Variants in CDK9 observed in about 807,000 individuals in gnomAD.
CDK9 encodes cyclin dependent kinase 9.
CDK9 carries 34 observed loss-of-function variants against 39.0 expected under a neutral mutation model. The observed-to-expected ratio is 0.87, with a 90% CI of 0.66 to 1.16. The LOEUF (loss-of-function observed/expected upper bound fraction) is 1.16, where lower values mean the gene tolerates loss of function less well. Among genes scored for constraint, CDK9 ranks in the 50% most tolerant of loss-of-function variants. The probability of loss-of-function intolerance (pLI) is 0.00; values close to 1 mark genes in which losing one functional copy is unlikely to be tolerated. For missense variants in CDK9, 369 were observed against 503.2 expected, an observed-to-expected ratio of 0.73 and a Z score of 2.55; for synonymous variants, 233 against 196.2, an observed-to-expected ratio of 1.19 and a Z score of -1.57.
At position 127,789,747 on chromosome 9, in the gene CDK9, C is replaced by A; in HGVS notation, c.*204C>A. 1.5e-6 allele frequency: 1 copy of A among 672,486 alleles called. No homozygotes were observed. The allele number at this position is 672,486 out of a possible 1,614,324, so 41.7% of individuals were successfully genotyped here. ...GGGCACTGGAGCTGTCTTGTCCTTG[C>A]TGGTTTTCTGGATGGTTCCCAGAGG... On this transcript the variant is annotated 3_prime_UTR_variant, in exon 7 of 7. Coordinates refer to ENST00000373264, the MANE Select transcript of CDK9 (RefSeq NM_001261.4). This position sits in a 1 kb window ranked among gnomAD's most constrained non-coding sequence, Gnocchi z 5.2.
intron 2 of CDK9, 32 bp downstream of exon 2, chr9:127,786,814 G>A: frequency 1.9e-6 from 3 of 1,593,996 alleles, no homozygotes; most frequent in Admixed American, 1.7e-5. Flanking sequence ...GGGCCGGCCG[G>A]CTAACTGCCC....
chr9:127,787,402 C>G, intron 2 of CDK9, 116 bp from the exon 3 acceptor site: 1 of 650,426 alleles, frequency 1.5e-6, no homozygotes, highest in African/African-American at 1.8e-5. Context: ...TCTGAGACAG[C>G]TGGTTTCAGA....
chr9:127,786,631 T>G, intron 1 of CDK9, 70 bp from the exon 2 acceptor site: 2 of 1,323,450 alleles, frequency 1.5e-6, no homozygotes, highest in Non-Finnish European at 2.1e-6. Flanking sequence ...CCCCTCCTCC[T>G]GTAGTGGGGG....
intron 6 of CDK9, 149 bp downstream of exon 6, chr9:127,788,841 A>G: frequency 1.2e-6 from 1 of 817,488 alleles, no homozygotes; most frequent in East Asian, 2.8e-5. Context: ...TGTGGGAGAA[A>G]AAAACACCTG....
At position 127,789,084 on chromosome 9, in the gene CDK9, G is replaced by A; in HGVS notation, c.754-94G>A. 1 of 1,448,762 alleles carries A rather than the reference G, an allele frequency of 6.9e-7. No homozygotes were observed. Among genetic ancestry groups the A allele is most frequent in the Non-Finnish European group, 9.2e-7 (1 of 1,085,740 alleles). 89.7% of individuals were successfully genotyped at this position (1,448,762 alleles called of 1,614,324 possible). On this transcript the variant is annotated intron_variant, in intron 6 of 6. Transcript: ENST00000373264. This position sits in a 1 kb window ranked among gnomAD's most constrained non-coding sequence, Gnocchi z 5.2. ...AGCAGTCTGGGAGCCTCCGAGTGGA[G>A]CAGGTATTTTAGTCCTTTTAGGCCT...
In CDK9 at chr9:127,789,165, C is replaced by T. The variant is rs771708473; in HGVS notation, c.754-13C>T. ...CCGGACTCCATATTCTCTCAACGCC[C>T]CCTCCCTCCCAGGTGTGGCCAAACG... is the stretch of plus-strand genomic sequence containing the variant. On this transcript the variant is annotated splice_polypyrimidine_tract_variant and intron_variant, in intron 6 of 6. Transcript: ENST00000373264. The surrounding 1 kb of genome is among the most constrained non-coding windows in gnomAD (Gnocchi z 5.2). 3.4e-5 allele frequency: 53 copies of T among 1,549,884 alleles called. No homozygotes were observed. Among genetic ancestry groups the T allele is most frequent in the Non-Finnish European group, 4.3e-5 (49 of 1,145,240 alleles).
At position 127,789,817 on chromosome 9, in the gene CDK9, T is replaced by A. The variant is rs981929293; in HGVS notation, c.*274T>A. 9 of 450,760 alleles carry A rather than the reference T, an allele frequency of 2.0e-5. No individual in the cohort carries two copies. The highest frequency in any genetic ancestry group is 3.2e-5 in the Non-Finnish European group (8 of 250,048). The allele number at this position is 450,760 out of a possible 1,614,324, so 27.9% of individuals were successfully genotyped here. ...ATGGGCTCGCCCACCAGTGACTTTT[T>A]CTAAGAGCTCCCGGCGTGGTGGAAG... is the stretch of plus-strand genomic sequence containing the variant. On this transcript the variant is annotated 3_prime_UTR_variant, in exon 7 of 7. Coordinates refer to ENST00000373264, the MANE Select transcript of CDK9 (RefSeq NM_001261.4). The surrounding 1 kb of genome is among the most constrained non-coding windows in gnomAD (Gnocchi z 5.2).
rs1829311419 is a variant in CDK9 at position 127,786,235 on chromosome 9, C to T, written c.87C>T (p.Thr29=). 3.7e-6 allele frequency: 6 copies of T among 1,607,884 alleles called. No homozygotes were observed. The highest frequency in any genetic ancestry group is 1.1e-5 in the South Asian group (1 of 90,646). ...AGCTCGCCAAGATCGGCCAAGGCAC[C>T]TTCGGGTAAGGCTGGGCCCCTCGGG... ...YEKLAKIGQG[T]FGEVFKARHR... The change falls in exon 1 of 7, where the codon ACC becomes ACT. Residue 29 remains threonine, a synonymous_variant. Coordinates refer to ENST00000373264, the MANE Select transcript of CDK9 (RefSeq NM_001261.4).
chr9:127,788,830 G>A (rs1326991034), intron 6 of CDK9, 138 bp downstream of exon 6: 4 of 901,080 alleles, frequency 4.4e-6, no homozygotes, highest in Non-Finnish European at 6.5e-6. Context: ...GGTGGGGAGT[G>A]TGTGGGAGAA....
At chr9:127,786,590 C>A in intron 1 of CDK9, 111 bp from the exon 2 acceptor site, 1 of 995,156 alleles carries the variant, frequency 1.0e-6, no homozygotes, top group Non-Finnish European at 1.5e-6. Context: ...GGTACCTAGC[C>A]CAGCCCCGCC....
chr9:127,786,310 G>GCCC lies in CDK9; in HGVS notation c.92+76_92+78dup, dbSNP rs530750745. 185 of 1,148,992 alleles carry GCCC rather than the reference G, an allele frequency of 1.6e-4. No individual in the cohort carries two copies. In the African/African-American group the frequency reaches 1.6e-3, roughly 10 times the overall value. The allele number at this position is 1,148,992 out of a possible 1,614,324, so 71.2% of individuals were successfully genotyped here. ...CTAGGGCCGACGTCGGGATGCCCGG[G>GCCC]CCCCCCCCGAGTTGGTAGAGAAGTC... is the stretch of plus-strand genomic sequence containing the variant. On this transcript the variant is annotated intron_variant, in intron 1 of 6. Coordinates refer to ENST00000373264, the MANE Select transcript of CDK9 (RefSeq NM_001261.4).
Position 127,790,070 on chromosome 9 carries a change from AT to A in CDK9, c.*541del, listed in dbSNP as rs549625098. 160 of 143,640 alleles carry A rather than the reference AT, an allele frequency of 1.1e-3. 1 individual carries two copies. The highest frequency in any genetic ancestry group is 4.9e-3 in the East Asian group (24 of 4,890). 8.9% of individuals were successfully genotyped at this position (143,640 alleles called of 1,614,324 possible). A position where few individuals can be genotyped will look rare whatever the true frequency, so the allele number is the denominator to read the frequency against. ...TTGGTCCGTTAGAATTAAAAGTTGA[AT>A]TTTTTTTTTTTTTAAATTTTTTTTT... On this transcript the variant is annotated 3_prime_UTR_variant, in exon 7 of 7. Transcript: ENST00000373264.
chr9:127,788,371 CG>C lies in CDK9; in HGVS notation c.592del (p.Glu198SerfsTer78), dbSNP rs2131828688. ...GTGGTGACACTCTGGTACCGGCCCC[CG>C]GAGCTGTTGCTCGGTGAGGACTCCC... The part of the protein sequence containing the change: ...NRVVTLWYRP[P>X]ELLLGERDYG... On this transcript the variant is annotated frameshift_variant, in exon 5 of 7. Transcript: ENST00000373264. LOFTEE classifies it high-confidence loss of function. 2 of 1,612,204 alleles carry C rather than the reference CG, an allele frequency of 1.2e-6. No homozygotes were observed. The highest frequency in any genetic ancestry group is 1.7e-6 in the Non-Finnish European group (2 of 1,179,742).
chr9:127,787,332 T>C (rs1050505786), intron 2 of CDK9, among the ~76,000 whole-genome samples, 186 bp from the exon 3 acceptor site: 11 of 152,382 alleles, frequency 7.2e-5, no homozygotes, highest in African/African-American at 2.4e-4. Flanking sequence ...TTCAGTTTGT[T>C]GTCTCAAACC....
chr9:127,789,579 TTTC>T lies in CDK9; in HGVS notation c.*41_*43del. ...TTGCCACTAGGGCTCTTGTGTTTTT[TTTC>T]TTCTGCTATGTGACTTGCATCGTGG... On this transcript the variant is annotated 3_prime_UTR_variant, in exon 7 of 7. Transcript: ENST00000373264. This position sits in a 1 kb window ranked among gnomAD's most constrained non-coding sequence, Gnocchi z 5.2. 6.3e-7 allele frequency: 1 copy of T among 1,596,110 alleles called. No individual in the cohort carries two copies.
chr9:127,788,182 C>T, intron 4 of CDK9, 32 bp from the exon 5 acceptor site: 2 of 1,613,322 alleles, frequency 1.2e-6, no homozygotes, highest in Non-Finnish European at 1.7e-6. Flanking sequence ...GGGTGGATGT[C>T]ACTAAAGGAC....
rs751626173 is a variant in CDK9, at chr9:127,788,339, C to T, written c.558C>T (p.Thr186=). Residue 186 remains threonine (T), a synonymous_variant, in exon 5 of 7, where the codon ACC becomes ACT. Transcript: ENST00000373264. ...AGAACAGCCAGCCCAACCGCTACAC[C>T]AACCGTGTGGTGACACTCTGGTACC... ...LAKNSQPNRY[T]NRVVTLWYRP... 8.1e-6 allele frequency: 13 copies of T among 1,613,026 alleles called. No homozygotes were observed. In the African/African-American group the frequency reaches 1.5e-4, roughly 18 times the overall value.
rs1242418682 is a variant in CDK9 at position 127,786,135 on chromosome 9, C to G, written c.-14C>G. 1.3e-6 allele frequency: 2 copies of G among 1,584,592 alleles called. No homozygotes were observed. The highest frequency in any genetic ancestry group is 1.4e-5 in the African/African-American group (1 of 71,764). ...GCAGCGACTGGGGGCGGCGGCGGCG[C>G]GTTGGAGGCGGCCATGGCAAAGCAG... is the stretch of plus-strand genomic sequence containing the variant. On this transcript the variant is annotated 5_prime_UTR_variant, in exon 1 of 7. Transcript: ENST00000373264.
Position 127,788,056 on chromosome 9 carries a change from GA to G in CDK9, c.376del (p.Ile126SerfsTer4). ...TTTTGGTCAAGTTCACGCTGTCTGA[GA>G]TCAAGAGGGTGATGCAGATGCTGCT... ...NVLVKFTLSE[I>X]KRVMQMLLNG... On this transcript the variant is annotated frameshift_variant, in exon 4 of 7. Coordinates refer to ENST00000373264, the MANE Select transcript of CDK9 (RefSeq NM_001261.4). LOFTEE classifies it high-confidence loss of function. The G allele has an allele frequency of 1.2e-6, 2 of 1,614,226 alleles. No individual in the cohort carries two copies. Among genetic ancestry groups the G allele is most frequent in the Non-Finnish European group, 1.7e-6 (2 of 1,180,028 alleles).
Sources: gnomAD v4.1 joint callset for allele counts (sites outside exome capture counted in the v4.1 genomes callset) on GRCh38, gnomAD v4.1.1 for gene constraint, Gnocchi (gnomAD v3.1) non-coding constraint, MANE v1.5 for transcripts, NCBI Gene and HGNC (gene_info 2026-07-23, HGNC 2026-07-21) for gene names.